Variants in RALGPS2 observed in about 807,000 individuals in gnomAD.
RALGPS2 encodes the protein ras-specific guanine nucleotide-releasing factor RalGPS2.
RALGPS2 carries 43 observed loss-of-function variants against 86.8 expected under a neutral mutation model. The ratio of observed to expected loss-of-function variants is 0.50; its 90% CI spans 0.39 to 0.64. The LOEUF is 0.64. RALGPS2 is among the 30% of genes least tolerant of loss of function. The pLI is 0.00. For synonymous variants in RALGPS2, 243 were observed against 231.3 expected (o/e 1.05, Z -0.46); for missense variants, 536 against 694.6 (o/e 0.77, Z 2.57).
intron 8 of RALGPS2, among the ~76,000 whole-genome samples, chr1:178,845,970 A>G (rs1656846427): frequency 6.6e-6 from 1 of 152,212 alleles, no homozygotes; most frequent in South Asian, 2.1e-4. Context: ...AGCATACCTA[A>G]AATGATAAGA....
chr1:178,883,182 C>T (rs1048707129), intron 10 of RALGPS2, among the ~76,000 whole-genome samples: 1 of 152,012 alleles, frequency 6.6e-6, no homozygotes, highest in Non-Finnish European at 1.5e-5. Flanking sequence ...AGAGACTTAA[C>T]ATCTTAATTA....
At chr1:178,890,034 T>G (rs984264628) in intron 14 of RALGPS2, among the ~76,000 whole-genome samples, 1 of 151,970 alleles carries the variant, frequency 6.6e-6, no homozygotes, top group African/African-American at 2.4e-5. Flanking sequence ...TTAAGTAATT[T>G]TAAGGCATTT....
intron 8 of RALGPS2, among the ~76,000 whole-genome samples, chr1:178,838,311 C>A (rs1411006408): frequency 6.6e-6 from 1 of 152,204 alleles, no homozygotes; most frequent in Non-Finnish European, 1.5e-5. Context: ...ATCTGGGTAG[C>A]CCTCTGAGAC....
At chr1:178,906,738 C>A in intron 18 of RALGPS2, 38 bp from the exon 19 acceptor site, 2 of 1,525,106 alleles carry the variant, frequency 1.3e-6, no homozygotes, top group Non-Finnish European at 1.8e-6. Flanking sequence ...GTCGTCCTTA[C>A]ATTTTTAATA....
intron 1 of RALGPS2, among the ~76,000 whole-genome samples, chr1:178,741,109 G>C (rs1650998657): frequency 6.6e-6 from 1 of 152,156 alleles, no homozygotes; most frequent in Non-Finnish European, 1.5e-5. Context: ...GATTCACTTG[G>C]AGCAGAGTAA....
At chr1:178,726,922 C>T (rs545030656) in intron 1 of RALGPS2, among the ~76,000 whole-genome samples, 4 of 152,278 alleles carry the variant, frequency 2.6e-5, no homozygotes, top group African/African-American at 9.6e-5. Context: ...TAGAATCATA[C>T]ACATAAGTGT....
intron 8 of RALGPS2, 47 bp downstream of exon 8, chr1:178,833,597 C>T: frequency 6.6e-7 from 1 of 1,506,200 alleles, no homozygotes; most frequent in Non-Finnish European, 8.8e-7. Flanking sequence ...GTTACTCTTC[C>T]TTACTCAGTA....
At chr1:178,873,825 A>C (rs1437908928) in intron 8 of RALGPS2, among the ~76,000 whole-genome samples, 1 of 152,036 alleles carries the variant, frequency 6.6e-6, no homozygotes, top group Admixed American at 6.5e-5. Context: ...AAGCAACCAC[A>C]GAAGACCATA....
At chr1:178,760,103 C>G (rs1412291489) in intron 1 of RALGPS2, among the ~76,000 whole-genome samples, 1 of 152,124 alleles carries the variant, frequency 6.6e-6, no homozygotes, top group East Asian at 1.9e-4. Context: ...CTAGCTAGGA[C>G]TTTCCAGTAC....
intron 5 of RALGPS2, among the ~76,000 whole-genome samples, chr1:178,808,475 CTTATT>C (rs1654838034): frequency 6.6e-6 from 1 of 151,982 alleles, no homozygotes; most frequent in Admixed American, 6.6e-5. Context: ...ATGCTCTTTT[CTTATT>C]TTTATTTTAT....
intron 17 of RALGPS2, 72 bp from the exon 18 acceptor site, chr1:178,902,034 C>G: frequency 9.2e-7 from 1 of 1,092,796 alleles, no homozygotes; most frequent in Non-Finnish European, 1.4e-6. Flanking sequence ...AAAATACACT[C>G]CCTAACACTG....
At chr1:178,855,380 A>T (rs561184985) in intron 8 of RALGPS2, among the ~76,000 whole-genome samples, 1 of 148,964 alleles carries the variant, frequency 6.7e-6, no homozygotes, top group East Asian at 2.0e-4. Flanking sequence ...TAAATTTCTC[A>T]TTTTAAATAC....
intron 1 of RALGPS2, among the ~76,000 whole-genome samples, chr1:178,770,462 A>G (rs540321409): frequency 8.7e-4 from 132 of 151,204 alleles, no homozygotes; most frequent in African/African-American, 3.0e-3. Context: ...ACACGTATAC[A>G]TACTGTTTTC....
At chr1:178,847,219 G>A (rs1656910339) in intron 8 of RALGPS2, among the ~76,000 whole-genome samples, 1 of 152,226 alleles carries the variant, frequency 6.6e-6, no homozygotes, top group Non-Finnish European at 1.5e-5. Context: ...GCCAAAGCAG[G>A]CGGATCACCT....
At chr1:178,730,591 A>C (rs1650281157) in intron 1 of RALGPS2, among the ~76,000 whole-genome samples, 1 of 151,310 alleles carries the variant, frequency 6.6e-6, no homozygotes, top group South Asian at 2.1e-4. Context: ...AAAAATGAAA[A>C]TTCTTCTTGA....
rs566124282 is a variant in RALGPS2 at position 178,734,606 on chromosome 1, G to A, written c.-84+9187G>A. Among the ~76,000 whole-genome samples, 3 of 152,350 alleles carry A rather than the reference G, an allele frequency of 2.0e-5. No individual in the cohort carries two copies. In the East Asian group the frequency reaches 5.8e-4, roughly 29 times the overall value. ...AGGAAAAATAATCAGTGATGTGACAGTGTTGCCATAATATTTGAGAAGAGC... is the reference window on the plus strand; with the variant it reads ...AGGAAAAATAATCAGTGATGTGACAATGTTGCCATAATATTTGAGAAGAGC... On this transcript the variant is annotated intron_variant, in intron 1 of 19. Coordinates refer to ENST00000367635, the MANE Select transcript of RALGPS2 (RefSeq NM_152663.5).
At chr1:178,802,468 C>T (rs2102176240) in intron 4 of RALGPS2, among the ~76,000 whole-genome samples, 1 of 152,132 alleles carries the variant, frequency 6.6e-6, no homozygotes, top group South Asian at 2.1e-4. Context: ...TAGGATATTG[C>T]ACTAAACACG....
chr1:178,747,755 G>A, intron 1 of RALGPS2: 4 of 1,016,926 alleles, frequency 3.9e-6, no homozygotes, highest in Non-Finnish European at 6.2e-6. Context: ...TGGTGGGCAT[G>A]GCAGCAGGAG....
intron 6 of RALGPS2, among the ~76,000 whole-genome samples, chr1:178,818,990 CT>C (rs58110181): frequency 0.35 from 46,967 of 135,360 alleles, 7,597 homozygotes; most frequent in African/African-American, 0.38. Context: ...TTTTCTTTTT[CT>C]TTTTTTTTTT....
Sources: allele counts gnomAD v4.1 joint callset (sites outside exome capture counted in the v4.1 genomes callset), GRCh38; gene constraint gnomAD v4.1.1; transcripts MANE v1.5; gene names NCBI Gene and HGNC (gene_info 2026-07-23, HGNC 2026-07-21).